The following PSMG2 variants were observed in gnomAD, a reference collection of about 807,000 sequenced individuals.
The protein encoded by PSMG2 is proteasome assembly chaperone 2.
A neutral mutation model predicts 31.5 loss-of-function variants in PSMG2; 21 were observed. The observed-to-expected ratio is 0.67, with a 90% CI of 0.47 to 0.96. The LOEUF is 0.96. Ranked by LOEUF, PSMG2 falls within the 40% of genes least tolerant of loss-of-function variation. PSMG2 has a pLI of 0.00. For synonymous variants in PSMG2, 120 were observed against 110.4 expected (o/e 1.09, Z -0.54); for missense variants, 318 against 321.2 (o/e 0.99, Z 0.08).
intron 1 of PSMG2, among the ~76,000 whole-genome samples, chr18:12,690,943 C>G (rs567747746): frequency 6.6e-6 from 1 of 151,076 alleles, no homozygotes; most frequent in Non-Finnish European, 1.5e-5. Flanking sequence ...CCCAGAGCCC[C>G]CCCCCGTTCT....
chr18:12,718,323 G>T (rs2040397621), intron 3 of PSMG2, among the ~76,000 whole-genome samples, 194 bp from the exon 4 acceptor site: 1 of 152,102 alleles, frequency 6.6e-6, no homozygotes, highest in African/African-American at 2.4e-5. Context: ...TAATTATAAA[G>T]ATACATTAGA....
In PSMG2 at chr18:12,684,086, G is replaced by A. The variant is rs948033950; in HGVS notation, c.-36-22464G>A. 4.0e-5 allele frequency among the ~76,000 whole-genome samples: 6 copies of A among 150,822 alleles called. No homozygotes were observed. In the East Asian group the frequency reaches 5.9e-4, roughly 15 times the overall value. On this transcript the variant is annotated intron_variant, in intron 1 of 6. Transcript: ENST00000585331. Reference sequence around the variant, plus strand: ...GTCGTCCAGTTTGGAGTGCAGTGGCGCGATCTCAGCTCACTGCAACCTCCA... The same window carrying A: ...GTCGTCCAGTTTGGAGTGCAGTGGCACGATCTCAGCTCACTGCAACCTCCA...
At chr18:12,699,580 G>A (rs1442404037), upstream of PSMG2, among the ~76,000 whole-genome samples, 2 of 152,062 alleles carry the variant, frequency 1.3e-5, no homozygotes, top group African/African-American at 2.4e-5. Flanking sequence ...TAAAAGCAAG[G>A]CTGTACAGTT....
At chr18:12,710,109 C>CT (rs964149453) in intron 2 of PSMG2, among the ~76,000 whole-genome samples, 4 of 151,552 alleles carry the variant, frequency 2.6e-5, no homozygotes, top group Non-Finnish European at 5.9e-5. Context: ...CGCCCGGCTA[C>CT]TTTTTTTGTA....
upstream of PSMG2, chr18:12,698,853 T>A (rs2040052525): frequency 1.5e-6 from 1 of 678,142 alleles, no homozygotes; most frequent in South Asian, 2.1e-5. Flanking sequence ...AAAAGAGCAG[T>A]GGGAAACAAA....
intron 1 of PSMG2, chr18:12,686,556 C>T (rs996205008): frequency 1.9e-5 from 15 of 809,796 alleles, no homozygotes; most frequent in East Asian, 2.6e-5. Context: ...TACCATTGAT[C>T]GAGTGCTTAC....
upstream of PSMG2, chr18:12,698,836 T>G (rs2040051838): frequency 3.2e-6 from 2 of 625,086 alleles, no homozygotes; most frequent in South Asian, 4.4e-5. Context: ...GATAGTAGTT[T>G]AAATTGAAAA....
chr18:12,700,012 G>A, upstream of PSMG2: 1 of 569,128 alleles, frequency 1.8e-6, no homozygotes, highest in Non-Finnish European at 2.9e-6. Flanking sequence ...ACAGGGTAAG[G>A]CCCTTTCAAA....
Position 12,706,082 on chromosome 18 carries a change from C to T in PSMG2, c.58-468C>T, listed in dbSNP as rs796437453. On this transcript the variant is annotated intron_variant, in intron 1 of 6. Coordinates refer to ENST00000317615, the MANE Select transcript of PSMG2 (RefSeq NM_020232.5). Reference sequence around the variant, plus strand: ...AAATAGTCTCAAAGGTGGAGGAGGCCCCAGCAGTTGTAGTTAATGAAAATC... The same window carrying T: ...AAATAGTCTCAAAGGTGGAGGAGGCTCCAGCAGTTGTAGTTAATGAAAATC... Among the ~76,000 whole-genome samples, 43 of 152,240 alleles carry T rather than the reference C, an allele frequency of 2.8e-4. 1 individual carries two copies. The highest frequency in any genetic ancestry group is 9.9e-4 in the African/African-American group (41 of 41,528).
upstream of PSMG2, chr18:12,699,261 C>A: frequency 8.3e-7 from 1 of 1,197,652 alleles, no homozygotes; most frequent in Non-Finnish European, 1.2e-6. Context: ...AGAATGTGAT[C>A]AAGACATTAG....
At chr18:12,686,775 G>C (rs946654743) in intron 1 of PSMG2, 3 of 184,360 alleles carry the variant, frequency 1.6e-5, no homozygotes, top group Non-Finnish European at 3.4e-5. Context: ...GGGAGGGAGA[G>C]GTGCTCTAAG....
rs781143783 is a variant in PSMG2 at position 12,724,567 on chromosome 18, C to T, written c.650C>T (p.Ala217Val). 4 of 1,611,182 alleles carry T rather than the reference C, an allele frequency of 2.5e-6. No homozygotes were observed. The highest frequency in any genetic ancestry group is 1.6e-4 in the Middle Eastern group (1 of 6,080). Residue 217 changes from alanine (A) to valine (V), a missense_variant, in exon 6 of 7, where the codon GCA becomes GTA. Ala to Val is a moderately conservative substitution (Grantham distance 64, BLOSUM62 0). Transcript: ENST00000317615. ...TCAGAAGGGGACAACATCCCAGATG[C>T]ATTAGGTCTTGTTGAGTATCTTAAT... ...FVSEGDNIPD[A>V]LGLVEYLNEW...
chr18:12,711,815 G>A lies in PSMG2; in HGVS notation c.230-887G>A, dbSNP rs149171796. Among the ~76,000 whole-genome samples the A allele has an allele frequency of 7.8e-3, 1,133 of 145,430 alleles. 14 individuals are homozygous for A. Among genetic ancestry groups the A allele is most frequent in the African/African-American group, 0.027 (1,062 of 39,180 alleles). On this transcript the variant is annotated intron_variant, in intron 2 of 6. Transcript: ENST00000317615. ...GTTGCCCAAGCTGGAGTGCAGTGGC[G>A]CGATCTCTGCTCACTGCAAGCTCCG...
intron 1 of PSMG2, among the ~76,000 whole-genome samples, chr18:12,705,221 C>T (rs1037783131): frequency 3.9e-5 from 6 of 152,024 alleles, no homozygotes; most frequent in African/African-American, 9.7e-5. Context: ...TGCACCACCA[C>T]GCCCAGCTAA....
At chr18:12,713,815 A>C (rs1243997219) in intron 3 of PSMG2, among the ~76,000 whole-genome samples, 1 of 151,258 alleles carries the variant, frequency 6.6e-6, no homozygotes, top group Non-Finnish European at 1.5e-5. Context: ...GCTTAAGTGC[A>C]CTGATGTGAT....
chr18:12,725,332 A>G (rs776185927), intron 6 of PSMG2, 107 bp from the exon 7 acceptor site: 119 of 825,902 alleles, frequency 1.4e-4, no homozygotes, highest in Non-Finnish European at 2.1e-4. Flanking sequence ...ACCTGGCTAT[A>G]AAAGTGCCAA....
chr18:12,713,658 T>C (rs750752867), intron 3 of PSMG2, among the ~76,000 whole-genome samples: 4 of 152,204 alleles, frequency 2.6e-5, no homozygotes, highest in Non-Finnish European at 5.9e-5. Flanking sequence ...CTTGGCCATA[T>C]TGGTTCCAAC....
chr18:12,706,866 ATTC>A (rs2040274170), intron 2 of PSMG2, 145 bp downstream of exon 2: 3 of 802,952 alleles, frequency 3.7e-6, no homozygotes, highest in Middle Eastern at 3.8e-4. Flanking sequence ...ACATTGTCCT[ATTC>A]TTTTATGTCC....
intron 1 of PSMG2, among the ~76,000 whole-genome samples, chr18:12,664,223 G>A (rs533124070): frequency 2.4e-4 from 37 of 152,076 alleles, no homozygotes; most frequent in African/African-American, 8.7e-4. Context: ...CTACAGGGAT[G>A]TGCCACCACA....
Sources: allele counts gnomAD v4.1 joint callset (sites outside exome capture counted in the v4.1 genomes callset), GRCh38; gene constraint gnomAD v4.1.1; transcripts MANE v1.5; gene names NCBI Gene and HGNC (gene_info 2026-07-23, HGNC 2026-07-21).